The following CNTNAP2 variants were observed in gnomAD, a reference collection of about 807,000 sequenced individuals.
The protein encoded by CNTNAP2 is contactin-associated protein-like 2.
Under a neutral mutation model 155.2 loss-of-function variants are expected in CNTNAP2, and 98 were observed. That is an observed-to-expected ratio of 0.63 (90% CI 0.54 to 0.75). The LOEUF (loss-of-function observed/expected upper bound fraction) is 0.75, where lower values mean the gene tolerates loss of function less well. Ranked by LOEUF, CNTNAP2 falls within the 30% of genes least tolerant of loss-of-function variation. The pLI is 0.00. For missense variants in CNTNAP2, 1,727 were observed against 1,688.1 expected, an observed-to-expected ratio of 1.02 and a Z score of -0.40; for synonymous variants, 651 against 631.2, an observed-to-expected ratio of 1.03 and a Z score of -0.47.
chr7:147,262,108 T>C (rs1804484964), intron 8 of CNTNAP2, among the ~76,000 whole-genome samples: 1 of 152,192 alleles, frequency 6.6e-6, no homozygotes, highest in Non-Finnish European at 1.5e-5. Context: ...ATGTAGACTG[T>C]TGTTCTTAGG....
At chr7:147,421,034 C>T (rs573992925) in intron 10 of CNTNAP2, among the ~76,000 whole-genome samples, 3 of 152,220 alleles carry the variant, frequency 2.0e-5, no homozygotes, top group East Asian at 1.9e-4. Flanking sequence ...CCCTGAAGTA[C>T]AGAAACACAC....
intron 1 of CNTNAP2, among the ~76,000 whole-genome samples, chr7:146,308,997 G>T (rs1049844501): frequency 1.1e-4 from 16 of 151,800 alleles, no homozygotes; most frequent in African/African-American, 3.9e-4. Context: ...AAGAAAGAAA[G>T]AAACTTTGTA....
At chr7:147,901,778 C>G (rs74831820) in intron 13 of CNTNAP2, among the ~76,000 whole-genome samples, 4,984 of 152,268 alleles carry the variant, frequency 0.033, 131 homozygotes, top group Non-Finnish European at 0.053. Context: ...GTTCTCCAAT[C>G]TGTATCTTTT....
At chr7:148,119,649 T>C (rs764219108) in intron 16 of CNTNAP2, among the ~76,000 whole-genome samples, 15 of 152,222 alleles carry the variant, frequency 9.9e-5, no homozygotes, top group Admixed American at 5.9e-4. Flanking sequence ...GAAATGCTAT[T>C]GGATTCACAG....
chr7:147,192,608 T>G (rs1802702961), intron 8 of CNTNAP2, among the ~76,000 whole-genome samples: 1 of 152,046 alleles, frequency 6.6e-6, no homozygotes, highest in East Asian at 1.9e-4. Flanking sequence ...CTCTAATATA[T>G]TCTATCTTAA....
At chr7:146,603,670 C>G (rs977705243) in intron 1 of CNTNAP2, among the ~76,000 whole-genome samples, 30 of 151,136 alleles carry the variant, frequency 2.0e-4, no homozygotes, top group Non-Finnish European at 2.8e-4. Context: ...TGACTTCAAA[C>G]TATACTACAA....
chr7:146,371,726 C>T (rs980436408), intron 1 of CNTNAP2, among the ~76,000 whole-genome samples: 5 of 151,548 alleles, frequency 3.3e-5, no homozygotes, highest in Non-Finnish European at 5.9e-5. Context: ...CCGAGGTGGG[C>T]GGATTACCCT....
intron 18 of CNTNAP2, among the ~76,000 whole-genome samples, chr7:148,187,619 G>A (rs1205279439): frequency 6.6e-6 from 1 of 152,120 alleles, no homozygotes. Flanking sequence ...GATGCAATTG[G>A]TCAGCTCCAG....
At chr7:148,291,588 C>T (rs1442260977) in intron 21 of CNTNAP2, among the ~76,000 whole-genome samples, 2 of 152,080 alleles carry the variant, frequency 1.3e-5, no homozygotes, top group Non-Finnish European at 1.5e-5. Context: ...GTAGGTCTGC[C>T]TTTCCCAGCC....
chr7:146,644,358 G>T (rs535859118), intron 1 of CNTNAP2, among the ~76,000 whole-genome samples: 4 of 152,202 alleles, frequency 2.6e-5, no homozygotes, highest in African/African-American at 9.6e-5. Flanking sequence ...AGAGTTTTTA[G>T]CATGAAGGGT....
At chr7:146,971,379 A>G (rs1354992057) in intron 3 of CNTNAP2, among the ~76,000 whole-genome samples, 1 of 152,172 alleles carries the variant, frequency 6.6e-6, no homozygotes, top group Admixed American at 6.6e-5. Flanking sequence ...AGGAAAAAAT[A>G]AAAAGGCACT....
chr7:147,030,111 G>T lies in CNTNAP2; in HGVS notation c.403-13796G>T, dbSNP rs1799001030. On this transcript the variant is annotated intron_variant, in intron 3 of 23. Transcript: ENST00000361727. ...ATTTCTAGAGTAAGCTTGTCAGTAG[G>T]GAGCTGAATATCTATCTGCATCAAA... 2.0e-5 allele frequency among the ~76,000 whole-genome samples: 3 copies of T among 152,122 alleles called. No individual in the cohort carries two copies. In the South Asian group the frequency reaches 6.2e-4, roughly 32 times the overall value.
At chr7:147,203,918 G>A (rs922423664) in intron 8 of CNTNAP2, among the ~76,000 whole-genome samples, 3 of 152,018 alleles carry the variant, frequency 2.0e-5, no homozygotes, top group Non-Finnish European at 4.4e-5. Context: ...GATAATTAAC[G>A]TAGTAGGGAG....
intron 3 of CNTNAP2, among the ~76,000 whole-genome samples, chr7:146,906,203 AAG>A (rs917434170): frequency 3.3e-5 from 5 of 151,930 alleles, no homozygotes; most frequent in African/African-American, 1.2e-4. Flanking sequence ...ATCAAACTGC[AAG>A]GCGGCAGCGA....
At chr7:147,529,605 T>G (rs1299545089) in intron 11 of CNTNAP2, among the ~76,000 whole-genome samples, 1 of 152,190 alleles carries the variant, frequency 6.6e-6, no homozygotes, top group East Asian at 1.9e-4. Context: ...ATTATGGTGA[T>G]GTTACCAACT....
rs6959545 is a variant in CNTNAP2, at chr7:147,959,605, C to T, written c.2256-18257C>T. Among the ~76,000 whole-genome samples the T allele has an allele frequency of 2.0e-3, 305 of 152,262 alleles. 2 individuals are homozygous for T. Among genetic ancestry groups the T allele is most frequent in the African/African-American group, 7.0e-3 (291 of 41,564 alleles). ...GGCAGTTCTGCAGTCATGTTTATAC[C>T]GACCTTGAATTACATGTAGATTAAG... On this transcript the variant is annotated intron_variant, in intron 14 of 23. Coordinates refer to ENST00000361727, the MANE Select transcript of CNTNAP2 (RefSeq NM_014141.6).
intron 3 of CNTNAP2, among the ~76,000 whole-genome samples, chr7:146,925,586 G>A (rs1334370639): frequency 6.6e-6 from 1 of 152,006 alleles, no homozygotes; most frequent in African/African-American, 2.4e-5. Context: ...GAGGGAGGAA[G>A]ATCCAGTAGT....
intron 8 of CNTNAP2, among the ~76,000 whole-genome samples, chr7:147,191,849 T>C (rs1802686006): frequency 6.6e-6 from 1 of 152,166 alleles, no homozygotes. Flanking sequence ...TAGAAAAGTG[T>C]AAACAAGATA....
At chr7:146,715,985 A>G (rs904490259) in intron 1 of CNTNAP2, among the ~76,000 whole-genome samples, 3 of 151,092 alleles carry the variant, frequency 2.0e-5, no homozygotes, top group Admixed American at 6.6e-5. Flanking sequence ...TACCTATCCC[A>G]ACTTGAGAGA....
Sources: allele counts gnomAD v4.1 joint callset (sites outside exome capture counted in the v4.1 genomes callset), GRCh38; gene constraint gnomAD v4.1.1; transcripts MANE v1.5; gene names NCBI Gene and HGNC (gene_info 2026-07-23, HGNC 2026-07-21).